Variants in APOBEC3B observed in about 807,000 individuals in gnomAD.
The protein encoded by APOBEC3B is DNA dC->dU-editing enzyme APOBEC-3B.
Under a neutral mutation model 53.4 loss-of-function variants are expected in APOBEC3B, and 29 were observed. The ratio of observed to expected loss-of-function variants is 0.54; its 90% CI spans 0.40 to 0.74. The LOEUF is 0.74. APOBEC3B is among the 30% of genes least tolerant of loss of function. APOBEC3B has a pLI of 0.00. For synonymous variants in APOBEC3B, 132 were observed against 184.8 expected (o/e 0.71, Z 2.32); for missense variants, 347 against 496.2 (o/e 0.70, Z 2.86).
intron 1 of APOBEC3B, among the ~76,000 whole-genome samples, chr22:38,983,037 G>A (rs1923594375): frequency 6.7e-6 from 1 of 148,424 alleles, no homozygotes; most frequent in Admixed American, 6.9e-5. Flanking sequence ...CATGACCAGT[G>A]GTTGAGCGTG....
intron 7 of APOBEC3B, 35 bp downstream of exon 7, chr22:38,992,184 G>C: frequency 6.3e-7 from 1 of 1,583,454 alleles, no homozygotes; most frequent in East Asian, 2.5e-5. Context: ...GTGCCCCATC[G>C]GCCTCCCCCT....
At position 38,989,730 on chromosome 22, in the gene APOBEC3B, A is replaced by AGCT. The variant is rs747852596; in HGVS notation, c.723+130_723+132dup. The AGCT allele has an allele frequency of 5.9e-5, 63 of 1,061,668 alleles. 2 individuals carry two copies. Among genetic ancestry groups the AGCT allele is most frequent in the African/African-American group, 1.1e-4 (7 of 63,282 alleles). The allele number at this position is 1,061,668 out of a possible 1,614,324, so 65.8% of individuals were successfully genotyped here. On this transcript the variant is annotated intron_variant, in intron 5 of 7. Coordinates refer to ENST00000333467, the MANE Select transcript of APOBEC3B (RefSeq NM_004900.5). The stretch of plus-strand genomic sequence containing the variant: ...AGTGTTTGTCACTTGTGCTTCCTGC[A>AGCT]GCTGCTGCTGCTTGGCCCTGGAGTT...
Position 38,983,595 on chromosome 22 carries a change from C to T in APOBEC3B, c.18-480C>T, listed in dbSNP as rs1397236957. On this transcript the variant is annotated intron_variant, in intron 1 of 7. Transcript: ENST00000333467. ...GTAAGATGGGAATGGCCCCTGCAGG[C>T]CTAGGGTAGCCTCACGTGAGCTCAC... Among the ~76,000 whole-genome samples the T allele has an allele frequency of 1.1e-4, 17 of 148,848 alleles. 2 individuals carry two copies. Among genetic ancestry groups the T allele is most frequent in the African/African-American group, 3.7e-4 (15 of 40,982 alleles).
chr22:38,985,026 C>G lies in APOBEC3B; in HGVS notation c.175-786C>G, dbSNP rs80144049. Among the ~76,000 whole-genome samples the G allele has an allele frequency of 2.7e-5, 4 of 146,398 alleles. 1 individual carries two copies. The highest frequency in any genetic ancestry group is 9.9e-5 in the African/African-American group (4 of 40,254). ...AAGTGATTCTTCGGCCTTAGCCTCC[C>G]GAATAGCTGGGATTACAGAAGGCTG... On this transcript the variant is annotated intron_variant, in intron 2 of 7. Transcript: ENST00000333467.
At chr22:38,986,725 A>T (rs1923756046) in intron 4 of APOBEC3B, among the ~76,000 whole-genome samples, 1 of 148,946 alleles carries the variant, frequency 6.7e-6, no homozygotes, top group Middle Eastern at 3.2e-3. Context: ...AGGAGGCAAG[A>T]GCTCAGCCTT....
chr22:38,986,200 G>T lies in APOBEC3B; in HGVS notation c.455-98G>T, dbSNP rs1338591441. Reference sequence around the variant, plus strand: ...GTCCCAGGGCAGCCTGCAGGGGTGGGACTGGCACTGACTGCAACTGACAGC... The same window carrying T: ...GTCCCAGGGCAGCCTGCAGGGGTGGTACTGGCACTGACTGCAACTGACAGC... On this transcript the variant is annotated intron_variant, in intron 3 of 7. Coordinates refer to ENST00000333467, the MANE Select transcript of APOBEC3B (RefSeq NM_004900.5). 67 of 1,582,086 alleles carry T rather than the reference G, an allele frequency of 4.2e-5. 5 individuals are homozygous for T. In the South Asian group the frequency reaches 7.7e-4, roughly 18 times the overall value.
At chr22:38,983,623 C>T (rs770740939) in intron 1 of APOBEC3B, among the ~76,000 whole-genome samples, 2 of 149,118 alleles carry the variant, frequency 1.3e-5, no homozygotes, top group South Asian at 4.4e-4. Flanking sequence ...GAGCTCACAC[C>T]CGCTCAGCAC....
At chr22:38,987,123 G>A (rs777380412) in intron 4 of APOBEC3B, among the ~76,000 whole-genome samples, 1 of 148,884 alleles carries the variant, frequency 6.7e-6, no homozygotes, top group Non-Finnish European at 1.5e-5. Flanking sequence ...TCCAAACCCA[G>A]GACTAACATC....
chr22:38,982,777 C>A (rs185468718), intron 1 of APOBEC3B, among the ~76,000 whole-genome samples: 2 of 148,986 alleles, frequency 1.3e-5, no homozygotes, highest in African/African-American at 4.9e-5. Context: ...TGCTTCCTGC[C>A]ACTCCTGAGC....
At position 38,984,348 on chromosome 22, in the gene APOBEC3B, A is replaced by G. The variant is rs1923650918; in HGVS notation, c.174+117A>G. The G allele has an allele frequency of 3.3e-5, 42 of 1,288,298 alleles. 4 individuals are homozygous for G. The South Asian group carries it at 5.2e-4, about 16-fold the overall frequency. 79.8% of individuals were successfully genotyped at this position (1,288,298 alleles called of 1,614,324 possible). ...AGGTGCACTGGTTCAGCAGACTCAC[A>G]TCCAAAAAGGCTGAGCCCTTAACAA... On this transcript the variant is annotated intron_variant, in intron 2 of 7. Coordinates refer to ENST00000333467, the MANE Select transcript of APOBEC3B (RefSeq NM_004900.5).
At chr22:38,988,360 T>C (rs576212471) in intron 4 of APOBEC3B, among the ~76,000 whole-genome samples, 8 of 148,914 alleles carry the variant, frequency 5.4e-5, no homozygotes, top group African/African-American at 1.7e-4. Context: ...GTGAAGACAG[T>C]TGGAGAGGGG....
rs1603267374 is a variant in APOBEC3B at position 38,984,000 on chromosome 22, T to G, written c.18-75T>G. 4.7e-6 allele frequency: 7 copies of G among 1,500,204 alleles called. No homozygotes were observed. The African/African-American group carries it at 6.9e-5, about 15-fold the overall frequency. The allele number at this position is 1,500,204 out of a possible 1,614,324, so 92.9% of individuals were successfully genotyped here. ...AGGCCCAGGGCCATCCTGGGAGCTG[T>G]GTTCAGTGGACATGAGCCCCGAGGA... On this transcript the variant is annotated intron_variant, in intron 1 of 7. Transcript: ENST00000333467.
rs1923739874 is a variant in APOBEC3B at position 38,986,352 on chromosome 22, C to T, written c.509C>T (p.Pro170Leu). Residue 170 changes from proline (P) to leucine (L), a missense_variant, in exon 4 of 8, where the codon CCT (proline) becomes CTT (leucine). By Grantham distance (98) the Pro-to-Leu change is moderately conservative. Around this residue, in one of 5 missense-constraint regions of APOBEC3B, gnomAD observed 156 missense variants for 166.7 expected, o/e 0.94. Coordinates refer to ENST00000333467, the MANE Select transcript of APOBEC3B (RefSeq NM_004900.5). ...TACAATGAAGGTCAGCAATTCATGC[C>T]TTGGTACAAATTCGATGAAAATTAT... ...FVYNEGQQFMPWYKFDENYAF... is the reference protein window; with the variant it reads ...FVYNEGQQFMLWYKFDENYAF... 16 of 1,593,898 alleles carry T rather than the reference C, an allele frequency of 1.0e-5. No homozygotes were observed. The highest frequency in any genetic ancestry group is 1.3e-5 in the Non-Finnish European group (15 of 1,172,682).
In APOBEC3B at chr22:38,992,679, T is replaced by C. The variant is rs982501127; in HGVS notation, c.*234T>C. 7.4e-6 allele frequency: 9 copies of C among 1,210,264 alleles called. No individual in the cohort carries two copies. In the African/African-American group the frequency reaches 1.4e-4, roughly 19 times the overall value. 75.0% of individuals were successfully genotyped at this position (1,210,264 alleles called of 1,614,324 possible). A position where few individuals can be genotyped will look rare whatever the true frequency, so the allele number is the denominator to read the frequency against. ...ACAAGAGTAAGATTATGCTCAATAT[T>C]CCCAGAATAGTTTTCAATGTATTAA... On this transcript the variant is annotated 3_prime_UTR_variant, in exon 8 of 8. Coordinates refer to ENST00000333467, the MANE Select transcript of APOBEC3B (RefSeq NM_004900.5).
intron 5 of APOBEC3B, among the ~76,000 whole-genome samples, 165 bp downstream of exon 5, chr22:38,989,775 A>G (rs1377656774): frequency 1.3e-5 from 2 of 148,340 alleles, no homozygotes; most frequent in Non-Finnish European, 3.0e-5. Flanking sequence ...CTTTGGCTTC[A>G]GTGACTCTCC....
At position 38,992,092 on chromosome 22, in the gene APOBEC3B, G is replaced by A. The variant is rs1263825097; in HGVS notation, c.1077G>A (p.Trp359Ter). ...GCCAGGGATGTCCCTTCCAGCCCTG[G>A]GATGGACTAGAGGAGCACAGCCAAG... is the stretch of plus-strand genomic sequence containing the variant. ...VYRQGCPFQP[W>*]DGLEEHSQAL... The change falls in exon 7 of 8, where the codon TGG becomes TGA. Residue 359 changes from tryptophan (W) to a stop codon, truncating the protein, a stop_gained. Coordinates refer to ENST00000333467, the MANE Select transcript of APOBEC3B (RefSeq NM_004900.5). LOFTEE classifies it high-confidence loss of function. 1 of 1,592,486 alleles carries A rather than the reference G, an allele frequency of 6.3e-7. No individual in the cohort carries two copies. The highest frequency in any genetic ancestry group is 2.5e-5 in the East Asian group (1 of 40,216).
In APOBEC3B at chr22:38,992,104, G is replaced by T. The variant is rs181180569; in HGVS notation, c.1089G>T (p.Glu363Asp). The change falls in exon 7 of 8, where the codon GAG (glutamate) becomes GAT (aspartate). Residue 363 changes from glutamate (E) to aspartate (D), a missense_variant. By Grantham distance (45) the Glu-to-Asp change is conservative (BLOSUM62 2). Transcript: ENST00000333467. ...CCTTCCAGCCCTGGGATGGACTAGA[G>T]GAGCACAGCCAAGCCCTGAGTGGGA... Reference protein sequence around the residue: ...GCPFQPWDGLEEHSQALSGRL... With the variant: ...GCPFQPWDGLDEHSQALSGRL... 319 of 1,592,124 alleles carry T rather than the reference G, an allele frequency of 2.0e-4. 28 individuals are homozygous for T. Among genetic ancestry groups the T allele is most frequent in the African/African-American group, 1.1e-3 (84 of 74,394 alleles).
At chr22:38,984,924 T>C (rs1338046536) in intron 2 of APOBEC3B, among the ~76,000 whole-genome samples, 1 of 126,502 alleles carries the variant, frequency 7.9e-6, no homozygotes, top group Non-Finnish European at 1.6e-5. Flanking sequence ...TTTTCCGAGA[T>C]GGAGTCTCGC....
chr22:38,991,661 T>TG (rs759664567), intron 6 of APOBEC3B, 35 bp downstream of exon 6: 1 of 273,230 alleles, frequency 3.7e-6, no homozygotes, highest in African/African-American at 7.4e-5. Flanking sequence ...GTGGGGTGGG[T>TG]GGGGGCAGGA....
Sources: allele counts gnomAD v4.1 joint callset (sites outside exome capture counted in the v4.1 genomes callset), GRCh38; gene constraint gnomAD v4.1.1; regional missense constraint gnomAD v4.1.1; transcripts MANE v1.5; gene names NCBI Gene and HGNC (gene_info 2026-07-23, HGNC 2026-07-21).